KCNQ1: variants seen among roughly 807,000 people sequenced by gnomAD.
KCNQ1 encodes potassium voltage-gated channel subfamily Q member 1, also known as potassium voltage-gated channel subfamily KQT member 1.
A neutral mutation model predicts 72.4 loss-of-function variants in KCNQ1; 49 were observed. The observed-to-expected ratio is 0.68, with a 90% CI of 0.54 to 0.86. The LOEUF is 0.86. KCNQ1 is among the 40% of genes least tolerant of loss of function. The pLI is 0.00. For synonymous variants in KCNQ1, 450 were observed against 412.6 expected, an observed-to-expected ratio of 1.09 and a Z score of -1.10; for missense variants, 790 against 945.1, an observed-to-expected ratio of 0.84 and a Z score of 2.15.
At chr11:2,700,580 A>G (rs1187845385) in intron 11 of KCNQ1, among the ~76,000 whole-genome samples, 1 of 152,038 alleles carries the variant, frequency 6.6e-6, no homozygotes, top group African/African-American at 2.4e-5. Flanking sequence ...GGGTCCATGC[A>G]GGGGATCGGG....
intron 11 of KCNQ1, among the ~76,000 whole-genome samples, chr11:2,755,142 C>T (rs75098524): frequency 0.021 from 3,228 of 152,210 alleles, 42 homozygotes; most frequent in Admixed American, 0.035. Context: ...TTAGCCCCTT[C>T]CTCTATCTTC....
At chr11:2,571,563 G>A (rs1004027062) in intron 4 of KCNQ1, among the ~76,000 whole-genome samples, 160 bp downstream of exon 4, 1 of 152,106 alleles carries the variant, frequency 6.6e-6, no homozygotes, top group African/African-American at 2.4e-5. Flanking sequence ...GATGGGTGGA[G>A]CAGGGTGGGT....
At chr11:2,630,952 C>G in intron 10 of KCNQ1, 1 of 398,504 alleles carries the variant, frequency 2.5e-6, no homozygotes. Context: ...CCACTGATAG[C>G]CTTATGGAGG....
chr11:2,566,960 G>A lies in KCNQ1; in HGVS notation c.478-3668G>A, dbSNP rs1447412001. On this transcript the variant is annotated intron_variant, in intron 2 of 15. Transcript: ENST00000155840. The surrounding 1 kb of genome is among the most constrained non-coding windows in gnomAD (Gnocchi z 6.7). ...GGGGGTGCTGAGCTGGCCTGAGAAG[G>A]GTGGGGTAACCTAGGGGGTGGAGTG... Among the ~76,000 whole-genome samples the A allele has an allele frequency of 6.6e-6, 1 of 151,240 alleles. No homozygotes were observed. Among genetic ancestry groups the A allele is most frequent in the Non-Finnish European group, 1.5e-5 (1 of 67,736 alleles).
chr11:2,692,712 G>A (rs767142793), intron 11 of KCNQ1: 2 of 398,686 alleles, frequency 5.0e-6, no homozygotes. Context: ...AACCCTGGGA[G>A]GGTAGGCAGG....
chr11:2,495,764 G>A lies in KCNQ1; in HGVS notation c.387-32164G>A, dbSNP rs1315234847. ...GGAGTGTTTTACTTCCAGTTATGTG[G>A]TCAATTTTAGAATAAGTGCTATGTG... On this transcript the variant is annotated intron_variant, in intron 1 of 15. Coordinates refer to ENST00000155840, the MANE Select transcript of KCNQ1 (RefSeq NM_000218.3). The surrounding 1 kb of genome is among the most constrained non-coding windows in gnomAD (Gnocchi z 4.6). Among the ~76,000 whole-genome samples the A allele has an allele frequency of 6.6e-6, 1 of 152,128 alleles. No homozygotes were observed. Among genetic ancestry groups the A allele is most frequent in the Non-Finnish European group, 1.5e-5 (1 of 68,034 alleles).
intron 10 of KCNQ1, chr11:2,630,438 G>T (rs1419069245): frequency 2.5e-6 from 1 of 398,176 alleles, no homozygotes; most frequent in Non-Finnish European, 4.4e-6. Flanking sequence ...AATAAGTTGG[G>T]ATTGTTCCCT....
At position 2,627,175 on chromosome 11, in the gene KCNQ1, C is replaced by A. The variant is rs900610522; in HGVS notation, c.1394-34786C>A. ...GTTCCTAAGTTTGTTATTCTTGATG[C>A]TTTTTTCAGCTTTTATTGAGGTATA... On this transcript the variant is annotated intron_variant, in intron 10 of 15. Coordinates refer to ENST00000155840, the MANE Select transcript of KCNQ1 (RefSeq NM_000218.3). This position sits in a 1 kb window ranked among gnomAD's most constrained non-coding sequence, Gnocchi z 4.9. 3 of 398,414 alleles carry A rather than the reference C, an allele frequency of 7.5e-6. No individual in the cohort carries two copies. Among genetic ancestry groups the A allele is most frequent in the African/African-American group, 2.1e-5 (1 of 48,704 alleles). The allele number at this position is 398,414 out of a possible 1,614,324, so 24.7% of individuals were successfully genotyped here. A position where few individuals can be genotyped will look rare whatever the true frequency, so the allele number is the denominator to read the frequency against.
intron 15 of KCNQ1, among the ~76,000 whole-genome samples, chr11:2,790,813 G>A (rs1194910137): frequency 6.6e-6 from 1 of 152,220 alleles, no homozygotes; most frequent in South Asian, 2.1e-4. Flanking sequence ...GTGTGAGCAT[G>A]AGGATGGCAT....
chr11:2,538,917 T>C lies in KCNQ1; in HGVS notation c.477+10899T>C, dbSNP rs1221018655. ...GTAACCCGATTCTGTCCAAGCGATT[T>C]GTGAGAATGGGGTTGACACCCCTGG... On this transcript the variant is annotated intron_variant, in intron 2 of 15. Transcript: ENST00000155840. This position sits in a 1 kb window ranked among gnomAD's most constrained non-coding sequence, Gnocchi z 6.7. Among the ~76,000 whole-genome samples, 1 of 151,788 alleles carries C rather than the reference T, an allele frequency of 6.6e-6. No homozygotes were observed. The highest frequency in any genetic ancestry group is 1.9e-4 in the East Asian group (1 of 5,138).
At chr11:2,466,527 C>A (rs896618972) in intron 1 of KCNQ1, among the ~76,000 whole-genome samples, 4 of 152,114 alleles carry the variant, frequency 2.6e-5, no homozygotes, top group African/African-American at 9.7e-5. Flanking sequence ...GCTGGCCTGT[C>A]GTGGAGTGGG....
intron 1 of KCNQ1, among the ~76,000 whole-genome samples, chr11:2,523,226 C>G (rs1847422360): frequency 6.7e-6 from 1 of 149,736 alleles, no homozygotes; most frequent in Non-Finnish European, 1.5e-5. Context: ...TGGAGTCTTG[C>G]TCTGTCACCC....
chr11:2,619,941 T>C (rs888045129), intron 10 of KCNQ1: 14 of 372,796 alleles, frequency 3.8e-5, no homozygotes, highest in Non-Finnish European at 9.3e-6. Context: ...GATGATGAGG[T>C]TTGGAGTGTG....
At position 2,682,227 on chromosome 11, in the gene KCNQ1, A is replaced by G; in HGVS notation, c.1514+20146A>G. The G allele has an allele frequency of 2.5e-6, 1 of 398,510 alleles. No individual in the cohort carries two copies. The highest frequency in any genetic ancestry group is 4.4e-6 in the Non-Finnish European group (1 of 226,058). The allele number at this position is 398,510 out of a possible 1,614,324, so 24.7% of individuals were successfully genotyped here. On this transcript the variant is annotated intron_variant, in intron 11 of 15. Coordinates refer to ENST00000155840, the MANE Select transcript of KCNQ1 (RefSeq NM_000218.3). The surrounding 1 kb of genome is among the most constrained non-coding windows in gnomAD (Gnocchi z 5.8). ...AGGACTGTCTTATCCTGTGGTTCTT[A>G]GCTGAAATGTCCCTTCCTCAGAGGA...
chr11:2,721,041 A>AT (rs1851193832), intron 11 of KCNQ1, among the ~76,000 whole-genome samples: 1 of 152,130 alleles, frequency 6.6e-6, no homozygotes, highest in African/African-American at 2.4e-5. Flanking sequence ...CAGGCCCCAG[A>AT]TGCAAGAAAG....
intron 2 of KCNQ1, among the ~76,000 whole-genome samples, chr11:2,540,790 C>T (rs1009338183): frequency 3.9e-5 from 6 of 152,214 alleles, no homozygotes; most frequent in African/African-American, 1.2e-4. Context: ...TGGGGACTTG[C>T]TGTGAGGGGA....
At chr11:2,845,825 C>T (rs1243167702) in intron 15 of KCNQ1, among the ~76,000 whole-genome samples, 2 of 152,168 alleles carry the variant, frequency 1.3e-5, no homozygotes, top group Non-Finnish European at 2.9e-5. Flanking sequence ...TCTAGACAGA[C>T]GCTCGGCCCC....
intron 6 of KCNQ1, among the ~76,000 whole-genome samples, chr11:2,580,144 G>T (rs187003697): frequency 6.6e-6 from 1 of 152,110 alleles, no homozygotes; most frequent in Non-Finnish European, 1.5e-5. Flanking sequence ...CGCCCCTTAC[G>T]CTTGGCACGC....
In KCNQ1 at chr11:2,564,678, C is replaced by CTCCA. The variant is rs1848221229; in HGVS notation, c.478-5949_478-5946dup. On this transcript the variant is annotated intron_variant, in intron 2 of 15. Coordinates refer to ENST00000155840, the MANE Select transcript of KCNQ1 (RefSeq NM_000218.3). The surrounding 1 kb of genome is among the most constrained non-coding windows in gnomAD (Gnocchi z 4.5). ...CCTTGCGACCATCGCCACCATCCAG[C>CTCCA]TCCAGAGCTTTTTTCATCTTGCAAA... Among the ~76,000 whole-genome samples the CTCCA allele has an allele frequency of 6.6e-6, 1 of 152,206 alleles. No individual in the cohort carries two copies. The highest frequency in any genetic ancestry group is 2.4e-5 in the African/African-American group (1 of 41,450).
Sources: gnomAD v4.1 joint callset for allele counts (sites outside exome capture counted in the v4.1 genomes callset) on GRCh38, gnomAD v4.1.1 for gene constraint, Gnocchi (gnomAD v3.1) non-coding constraint, MANE v1.5 for transcripts, NCBI Gene and HGNC (gene_info 2026-07-23, HGNC 2026-07-21) for gene names.